LRMDA: variants seen among roughly 807,000 people sequenced by gnomAD.
LRMDA encodes the protein leucine rich melanocyte differentiation associated.
LRMDA carries 18 observed loss-of-function variants against 29.8 expected under a neutral mutation model. The observed-to-expected ratio is 0.60, with a 90% CI of 0.42 to 0.90. LRMDA has a LOEUF of 0.90. Ranked by LOEUF, LRMDA falls within the 40% of genes least tolerant of loss-of-function variation. The pLI, the probability that LRMDA is intolerant of heterozygous loss-of-function variation, is 0.00. For synonymous variants in LRMDA, 125 were observed against 109.4 expected, an observed-to-expected ratio of 1.14 and a Z score of -0.89; for missense variants, 273 against 273.9, an observed-to-expected ratio of 1.00 and a Z score of 0.02.
chr10:76,215,768 G>A (rs972572884), intron 5 of LRMDA, among the ~76,000 whole-genome samples: 1 of 152,128 alleles, frequency 6.6e-6, no homozygotes, highest in African/African-American at 2.4e-5. Flanking sequence ...TTATAAAATG[G>A]GTGTAAGTGA....
At chr10:75,812,567 T>C (rs1843984011) in intron 2 of LRMDA, among the ~76,000 whole-genome samples, 1 of 152,216 alleles carries the variant, frequency 6.6e-6, no homozygotes, top group South Asian at 2.1e-4. Flanking sequence ...TGACATGATA[T>C]AAACAGGTAT....
intron 6 of LRMDA, among the ~76,000 whole-genome samples, chr10:76,495,376 T>C (rs1383489248): frequency 6.6e-6 from 1 of 151,906 alleles, no homozygotes; most frequent in Admixed American, 6.6e-5. Context: ...TTAATGTATC[T>C]ATCTTGCCAC....
chr10:75,580,080 G>A (rs981954515), intron 2 of LRMDA, among the ~76,000 whole-genome samples: 1 of 152,120 alleles, frequency 6.6e-6, no homozygotes, highest in Non-Finnish European at 1.5e-5. Flanking sequence ...AGGGTAATCA[G>A]GCAAGAGAAA....
chr10:75,431,894 C>T, intron 1 of LRMDA, 140 bp downstream of exon 1: 1 of 858,290 alleles, frequency 1.2e-6, no homozygotes, highest in Admixed American at 4.5e-5. Context: ...GCTTCAGGTG[C>T]TCAGGCTCGC....
chr10:75,494,966 G>T (rs746532249), intron 2 of LRMDA, among the ~76,000 whole-genome samples: 2 of 152,190 alleles, frequency 1.3e-5, no homozygotes, highest in African/African-American at 2.4e-5. Context: ...TTCCAGGCTG[G>T]CAGCAGGAAG....
At chr10:75,457,377 C>T (rs1000785304) in intron 2 of LRMDA, among the ~76,000 whole-genome samples, 8 of 152,154 alleles carry the variant, frequency 5.3e-5, no homozygotes, top group Admixed American at 4.6e-4. Flanking sequence ...ACCCCTACAG[C>T]GTAGTGGTGA....
chr10:75,640,234 G>C (rs1311642475), intron 2 of LRMDA, among the ~76,000 whole-genome samples: 1 of 152,120 alleles, frequency 6.6e-6, no homozygotes, highest in Non-Finnish European at 1.5e-5. Flanking sequence ...TACACAGTCT[G>C]ATTTTTTTGT....
chr10:76,441,494 A>G (rs1003134864), intron 6 of LRMDA, among the ~76,000 whole-genome samples: 1 of 152,222 alleles, frequency 6.6e-6, no homozygotes, highest in East Asian at 1.9e-4. Context: ...AGTAATGCAC[A>G]TAAAGGGCTA....
Position 75,907,138 on chromosome 10 carries a change from T to G in LRMDA, c.132-128870T>G, listed in dbSNP as rs138785016. On this transcript the variant is annotated intron_variant, in intron 2 of 6. Transcript: ENST00000611255. ...CATAGGAGAGAGAGAATGTGTGTGTTTTTTTAAATGCCTGTCTGTCCTTGT... is the reference window on the plus strand; with the variant it reads ...CATAGGAGAGAGAGAATGTGTGTGTGTTTTTAAATGCCTGTCTGTCCTTGT... Among the ~76,000 whole-genome samples, 498 of 152,310 alleles carry G rather than the reference T, an allele frequency of 3.3e-3. 3 individuals are homozygous for G. The highest frequency in any genetic ancestry group is 0.011 in the African/African-American group (477 of 41,570).
At chr10:75,754,369 G>A (rs1050703530) in intron 2 of LRMDA, among the ~76,000 whole-genome samples, 8 of 152,170 alleles carry the variant, frequency 5.3e-5, no homozygotes, top group South Asian at 2.1e-4. Context: ...CTCAAAAAAC[G>A]TATTGTATTC....
At chr10:75,459,029 A>G (rs1844554355) in intron 2 of LRMDA, among the ~76,000 whole-genome samples, 1 of 149,570 alleles carries the variant, frequency 6.7e-6, no homozygotes, top group African/African-American at 2.5e-5. Context: ...AGGACTTGTT[A>G]GAACCTCTTT....
intron 2 of LRMDA, among the ~76,000 whole-genome samples, chr10:75,734,324 G>A (rs1023126098): frequency 6.6e-6 from 1 of 152,144 alleles, no homozygotes; most frequent in African/African-American, 2.4e-5. Context: ...AATCACCGGA[G>A]CCACCATTTA....
At chr10:76,250,853 A>T (rs922249925) in intron 5 of LRMDA, among the ~76,000 whole-genome samples, 3 of 152,218 alleles carry the variant, frequency 2.0e-5, no homozygotes, top group African/African-American at 7.2e-5. Context: ...TAGAATTATC[A>T]TAGCAAACCC....
intron 2 of LRMDA, among the ~76,000 whole-genome samples, chr10:75,902,190 A>C (rs1845686077): frequency 6.6e-6 from 1 of 152,146 alleles, no homozygotes; most frequent in African/African-American, 2.4e-5. Flanking sequence ...CCTTGGCCTT[A>C]GGGGTGCATG....
intron 2 of LRMDA, among the ~76,000 whole-genome samples, chr10:75,645,918 T>A (rs539074544): frequency 1.3e-5 from 2 of 151,226 alleles, no homozygotes; most frequent in African/African-American, 4.8e-5. Context: ...CCCTTTTCTT[T>A]GTCTCTCTAT....
At chr10:75,876,508 CA>C (rs1845201120) in intron 2 of LRMDA, among the ~76,000 whole-genome samples, 1 of 152,096 alleles carries the variant, frequency 6.6e-6, no homozygotes, top group Admixed American at 6.6e-5. Flanking sequence ...ATCCCAATAA[CA>C]AACACAAAAC....
At chr10:75,577,040 G>T (rs1411121729) in intron 2 of LRMDA, among the ~76,000 whole-genome samples, 1 of 152,204 alleles carries the variant, frequency 6.6e-6, no homozygotes, top group Non-Finnish European at 1.5e-5. Flanking sequence ...GAATGAGTTT[G>T]ATGAGCTGAC....
chr10:75,659,795 C>T (rs1459446542), intron 2 of LRMDA, among the ~76,000 whole-genome samples: 1 of 151,932 alleles, frequency 6.6e-6, no homozygotes, highest in African/African-American at 2.4e-5. Flanking sequence ...AGTGTCTCCC[C>T]CTCCTTCTCT....
intron 5 of LRMDA, among the ~76,000 whole-genome samples, chr10:76,172,666 A>AAGT (rs1850860050): frequency 6.6e-6 from 1 of 152,194 alleles, no homozygotes; most frequent in South Asian, 2.1e-4. Context: ...ACAGGACCAG[A>AAGT]AGTAGTGCTG....
Sources: gnomAD v4.1 joint callset for allele counts (sites outside exome capture counted in the v4.1 genomes callset) on GRCh38, gnomAD v4.1.1 for gene constraint, MANE v1.5 for transcripts, NCBI Gene and HGNC (gene_info 2026-07-23, HGNC 2026-07-21) for gene names.